RARB: variants seen among roughly 807,000 people sequenced by gnomAD.
The protein encoded by RARB is HBV-activated protein.
A neutral mutation model predicts 51.9 loss-of-function variants in RARB; 17 were observed. That is an observed-to-expected ratio of 0.33 (90% CI 0.22 to 0.49). The LOEUF (loss-of-function observed/expected upper bound fraction) is 0.49. RARB is among the 20% of genes least tolerant of loss of function. RARB has a pLI of 0.99. For synonymous variants in RARB, 215 were observed against 195.4 expected, an observed-to-expected ratio of 1.10 and a Z score of -0.84; for missense variants, 369 against 550.8, an observed-to-expected ratio of 0.67 and a Z score of 3.30.
intron 5 of RARB, among the ~76,000 whole-genome samples, chr3:25,281,451 A>T (rs1703519998): frequency 6.6e-6 from 1 of 152,196 alleles, no homozygotes; most frequent in African/African-American, 2.4e-5. Flanking sequence ...TAAGGAGATT[A>T]CTTTGATTGG....
chr3:25,279,017 G>C (rs1703458840), intron 5 of RARB, among the ~76,000 whole-genome samples: 1 of 152,184 alleles, frequency 6.6e-6, no homozygotes. Flanking sequence ...GCCAGTTACT[G>C]TGTGTTACTT....
chr3:25,246,941 G>C (rs1324215623), intron 5 of RARB, among the ~76,000 whole-genome samples: 1 of 152,194 alleles, frequency 6.6e-6, no homozygotes, highest in Non-Finnish European at 1.5e-5. Context: ...TCCCTCAGGT[G>C]CTCTGTCCCA....
intron 2 of RARB, among the ~76,000 whole-genome samples, chr3:25,481,958 G>A (rs1696243862): frequency 6.6e-6 from 1 of 152,166 alleles, no homozygotes; most frequent in South Asian, 2.1e-4. Context: ...TAAAAGACAA[G>A]GTAAGGCACA....
intron 5 of RARB, among the ~76,000 whole-genome samples, chr3:25,292,274 C>G (rs1216805875): frequency 6.6e-6 from 1 of 152,126 alleles, no homozygotes; most frequent in Non-Finnish European, 1.5e-5. Flanking sequence ...CCACCCTCAC[C>G]CCACCAAAAT....
chr3:25,063,937 C>A (rs936025449), intron 3 of RARB, among the ~76,000 whole-genome samples: 1 of 151,960 alleles, frequency 6.6e-6, no homozygotes, highest in African/African-American at 2.4e-5. Flanking sequence ...CTCTAATTAC[C>A]AAATGCCAGA....
chr3:25,537,711 C>G (rs1286773), intron 3 of RARB, among the ~76,000 whole-genome samples: 27,721 of 152,112 alleles, frequency 0.18, 3,063 homozygotes, highest in African/African-American at 0.32. Context: ...ATTTACGACT[C>G]TCTTCTTGAA....
At chr3:25,074,814 T>C (rs1698838824) in intron 3 of RARB, among the ~76,000 whole-genome samples, 1 of 152,174 alleles carries the variant, frequency 6.6e-6, no homozygotes. Flanking sequence ...GTGTCTTTCT[T>C]CTGCTTAATC....
chr3:25,577,159 A>T (rs976712276), intron 4 of RARB, among the ~76,000 whole-genome samples: 1 of 152,182 alleles, frequency 6.6e-6, no homozygotes, highest in Non-Finnish European at 1.5e-5. Context: ...TGGGAAGCCT[A>T]AACACCCCAA....
At position 24,896,911 on chromosome 3, in the gene RARB, G is replaced by T. The variant is rs139927193; in HGVS notation, c.-380+38159G>T. On this transcript the variant is annotated intron_variant, in intron 2 of 11. Transcript: ENST00000383772. ...GAAAAATAATGGACACATTAAACTT[G>T]CCCAGAAGTTAACCCTTCACATTCA... 9.9e-5 allele frequency among the ~76,000 whole-genome samples: 15 copies of T among 152,236 alleles called. No individual in the cohort carries two copies. In the East Asian group the frequency reaches 1.2e-3, roughly 12 times the overall value.
intron 3 of RARB, among the ~76,000 whole-genome samples, chr3:25,122,051 A>G (rs977784054): frequency 2.6e-5 from 4 of 152,178 alleles, no homozygotes; most frequent in Admixed American, 1.3e-4. Flanking sequence ...AGTTGAGTCA[A>G]TGTATCAGTT....
intron 5 of RARB, among the ~76,000 whole-genome samples, chr3:25,382,396 T>C (rs1706654194): frequency 1.3e-5 from 1 of 76,012 alleles, no homozygotes; most frequent in Non-Finnish European, 2.9e-5. Context: ...TTGGAGGCTC[T>C]GGGATGGTGG....
intron 3 of RARB, among the ~76,000 whole-genome samples, chr3:25,542,931 G>T (rs1379293240): frequency 6.6e-6 from 1 of 152,208 alleles, no homozygotes; most frequent in East Asian, 1.9e-4. Flanking sequence ...TAGTGGTGGT[G>T]GTGGTAATCT....
intron 2 of RARB, among the ~76,000 whole-genome samples, chr3:24,871,191 T>A (rs1191930170): frequency 1.3e-5 from 2 of 152,184 alleles, no homozygotes; most frequent in Non-Finnish European, 2.9e-5. Context: ...TGAAGTTTTT[T>A]ATACAGTAAC....
At chr3:24,906,903 C>T (rs1452393240) in intron 2 of RARB, among the ~76,000 whole-genome samples, 2 of 141,520 alleles carry the variant, frequency 1.4e-5, no homozygotes, top group Non-Finnish European at 3.1e-5. Flanking sequence ...AGTCAAATCA[C>T]AAGAAACCTG....
chr3:25,524,161 A>G (rs1435784254), intron 3 of RARB, among the ~76,000 whole-genome samples: 2 of 152,198 alleles, frequency 1.3e-5, no homozygotes, highest in Non-Finnish European at 2.9e-5. Context: ...CTTTCCCTCC[A>G]CACAATGTGT....
At chr3:24,974,845 A>G (rs1575099993) in intron 2 of RARB, among the ~76,000 whole-genome samples, 1 of 152,192 alleles carries the variant, frequency 6.6e-6, no homozygotes, top group Non-Finnish European at 1.5e-5. Flanking sequence ...GTCTTTAGAC[A>G]TAGCCGGAAG....
intron 3 of RARB, among the ~76,000 whole-genome samples, chr3:25,100,927 C>T (rs566398959): frequency 6.6e-6 from 1 of 152,288 alleles, no homozygotes; most frequent in South Asian, 2.1e-4. Flanking sequence ...CCTGTTGGCT[C>T]TTAGCCCTAC....
chr3:24,942,742 C>T (rs886067834), intron 2 of RARB, among the ~76,000 whole-genome samples: 1 of 152,148 alleles, frequency 6.6e-6, no homozygotes. Context: ...AGATTACTGT[C>T]AAGAGCATTA....
intron 5 of RARB, among the ~76,000 whole-genome samples, chr3:25,293,627 A>G (rs1420148517): frequency 6.6e-6 from 1 of 150,818 alleles, no homozygotes; most frequent in Non-Finnish European, 1.5e-5. Context: ...AAGTTCAGAG[A>G]TAGGAAGCAG....
Sources: allele counts gnomAD v4.1 joint callset (sites outside exome capture counted in the v4.1 genomes callset), GRCh38; gene constraint gnomAD v4.1.1; transcripts MANE v1.5; gene names NCBI Gene and HGNC (gene_info 2026-07-23, HGNC 2026-07-21).